The following CXCL16 variants were observed in gnomAD, a reference collection of about 807,000 sequenced individuals.
CXCL16 encodes C-X-C motif chemokine ligand 16.
In CXCL16, 18 loss-of-function variants were observed where a neutral mutation model predicts 23.8. The observed-to-expected ratio is 0.76, with a 90% CI of 0.52 to 1.12. The LOEUF is 1.12. Among genes scored for constraint, CXCL16 ranks in the 50% most tolerant of loss-of-function variants. The probability of loss-of-function intolerance (pLI) is 0.00; values close to 1 mark genes in which losing one functional copy is unlikely to be tolerated. For synonymous variants in CXCL16, 123 were observed against 132.5 expected (o/e 0.93, Z 0.49); for missense variants, 297 against 315.4 (o/e 0.94, Z 0.44).
rs1231078188 is a variant in CXCL16 at position 4,734,588 on chromosome 17, C to G, written c.*18G>C. The G allele has an allele frequency of 1.9e-6, 3 of 1,599,892 alleles. No homozygotes were observed. Among genetic ancestry groups the G allele is most frequent in the Non-Finnish European group, 8.6e-7 (1 of 1,167,126 alleles). On this transcript the variant is annotated 3_prime_UTR_variant, in exon 5 of 6. Transcript: ENST00000293778. ...AAGAATAAGCCACAGTTTACCCTCA[C>G]AAGCTTCCATTCTTGGCTCAGGTAT... is the stretch of plus-strand genomic sequence containing the variant.
intron 3 of CXCL16, among the ~76,000 whole-genome samples, chr17:4,735,828 C>G (rs1423053746): frequency 6.6e-6 from 1 of 152,052 alleles, no homozygotes; most frequent in African/African-American, 2.4e-5. Context: ...AATCCCAGCA[C>G]TTTGGGAGGC....
At chr17:4,736,794 T>C (rs193194592) in intron 3 of CXCL16, among the ~76,000 whole-genome samples, 1 of 152,320 alleles carries the variant, frequency 6.6e-6, no homozygotes, top group Non-Finnish European at 1.5e-5. Flanking sequence ...ATCAAACTTG[T>C]GACTTCACAG....
rs758959584 is a variant in CXCL16, at chr17:4,735,098, AGG to A, written c.710_711del (p.Ser237PhefsTer14). Reference sequence around the variant, plus strand: ...GTTCAAAGGTCCAGTTTACCTGGAGAGGACTGCGGTGACTGCCCCCTCCTCCT... The same window carrying A: ...GTTCAAAGGTCCAGTTTACCTGGAGAACTGCGGTGACTGCCCCCTCCTCCT... ...CKRRRGQSPQ[S>X]SPDLPVHYIP... is the part of the protein sequence containing the mutation. On this transcript the variant is annotated frameshift_variant, in exon 4 of 6. Transcript: ENST00000293778. LOFTEE classifies it high-confidence loss of function. 6.2e-7 allele frequency: 1 copy of A among 1,603,968 alleles called. No individual in the cohort carries two copies. Among genetic ancestry groups the A allele is most frequent in the Non-Finnish European group, 8.5e-7 (1 of 1,172,508 alleles).
rs1487235576 is a variant in CXCL16, at chr17:4,735,102, C to G, written c.708G>C (p.Gln236His). Residue 236 changes from glutamine to histidine, a missense_variant, in exon 4 of 6, where the codon CAG becomes CAC. By Grantham distance (24) the Gln-to-His change is conservative. Coordinates refer to ENST00000293778, the MANE Select transcript of CXCL16 (RefSeq NM_001386809.1). ...LCKRRRGQSP[Q>H]SSPDLPVHYI... The stretch of plus-strand genomic sequence containing the variant: ...AAAGGTCCAGTTTACCTGGAGAGGA[C>G]TGCGGTGACTGCCCCCTCCTCCTCT... 1.2e-6 allele frequency: 2 copies of G among 1,608,892 alleles called. No individual in the cohort carries two copies. The highest frequency in any genetic ancestry group is 1.3e-5 in the African/African-American group (1 of 74,980).
Position 4,735,516 on chromosome 17 carries a change from G to C in CXCL16, c.302-8C>G, listed in dbSNP as rs368788619. On this transcript the variant is annotated splice_region_variant and splice_polypyrimidine_tract_variant and intron_variant, in intron 3 of 5. Coordinates refer to ENST00000293778, the MANE Select transcript of CXCL16 (RefSeq NM_001386809.1). ...AGTAAGCATGTCCACATTCTGGAAA[G>C]GAAAGAAATGAGGAATCAGGACTAT... 1.0e-4 allele frequency: 150 copies of C among 1,497,968 alleles called. No individual in the cohort carries two copies. Among genetic ancestry groups the C allele is most frequent in the Non-Finnish European group, 1.2e-4 (140 of 1,121,810 alleles). 92.8% of individuals were successfully genotyped at this position (1,497,968 alleles called of 1,614,324 possible). A position where few individuals can be genotyped will look rare whatever the true frequency, so the allele number is the denominator to read the frequency against.
rs766669724 is a variant in CXCL16 at position 4,739,432 on chromosome 17, G to T, written c.-93C>A. On this transcript the variant is annotated 5_prime_UTR_variant, in exon 1 of 6. Transcript: ENST00000293778. The surrounding 1 kb of genome is among the most constrained non-coding windows in gnomAD (Gnocchi z 5.3). ...GTGACGTCCAGCTGGTGTCTCAATG[G>T]CTTTCGCCGGGGACCGGAGGAGACG... 4.4e-6 allele frequency: 7 copies of T among 1,587,668 alleles called. No homozygotes were observed. Among genetic ancestry groups the T allele is most frequent in the African/African-American group, 2.7e-5 (2 of 74,206 alleles).
chr17:4,735,864 G>A (rs1055795176), intron 3 of CXCL16, among the ~76,000 whole-genome samples: 4 of 151,900 alleles, frequency 2.6e-5, no homozygotes, highest in South Asian at 2.1e-4. Flanking sequence ...ACCTGAGGTC[G>A]GGAGTTCGAG....
Position 4,738,657 on chromosome 17 carries a change from A to C in CXCL16, c.218+125T>G. On this transcript the variant is annotated intron_variant, in intron 2 of 5. Transcript: ENST00000293778. This position sits in a 1 kb window ranked among gnomAD's most constrained non-coding sequence, Gnocchi z 4.0. Reference sequence around the variant, plus strand: ...CATGAAGTTTCGGGGAATGAGAGCAAACGGAACCCGGAGATGGGGCTCGGT... The same window carrying C: ...CATGAAGTTTCGGGGAATGAGAGCACACGGAACCCGGAGATGGGGCTCGGT... 1 of 1,147,466 alleles carries C rather than the reference A, an allele frequency of 8.7e-7. No homozygotes were observed. Among genetic ancestry groups the C allele is most frequent in the South Asian group, 1.5e-5 (1 of 67,564 alleles). The allele number at this position is 1,147,466 out of a possible 1,614,324, so 71.1% of individuals were successfully genotyped here.
chr17:4,735,031 T>C, intron 4 of CXCL16, 61 bp downstream of exon 4: 2 of 1,503,360 alleles, frequency 1.3e-6, no homozygotes, highest in East Asian at 4.6e-5. Flanking sequence ...AGCCACTGGG[T>C]CAGGATGCCT....
rs1916300944 is a variant in CXCL16 at position 4,739,869 on chromosome 17, A to G, written c.-530T>C. ...ATGAGCCTCCCGGGCGGCCCGGTGGAGAGAGTCGCCGCCAGCCCCGGCCGC... is the reference window on the plus strand; with the variant it reads ...ATGAGCCTCCCGGGCGGCCCGGTGGGGAGAGTCGCCGCCAGCCCCGGCCGC... On this transcript the variant is annotated 5_prime_UTR_variant, in exon 1 of 6. Coordinates refer to ENST00000293778, the MANE Select transcript of CXCL16 (RefSeq NM_001386809.1). This position sits in a 1 kb window ranked among gnomAD's most constrained non-coding sequence, Gnocchi z 5.3. 2.0e-6 allele frequency: 2 copies of G among 985,898 alleles called. No homozygotes were observed. Among genetic ancestry groups the G allele is most frequent in the South Asian group, 9.3e-5 (2 of 21,416 alleles). The allele number at this position is 985,898 out of a possible 1,614,324, so 61.1% of individuals were successfully genotyped here.
chr17:4,736,819 G>A (rs1260313429), intron 3 of CXCL16, among the ~76,000 whole-genome samples: 1 of 152,096 alleles, frequency 6.6e-6, no homozygotes, highest in Non-Finnish European at 1.5e-5. Context: ...TATTGCTTAG[G>A]ATAATTTACT....
rs1263458010 is a variant in CXCL16 at position 4,738,784 on chromosome 17, C to T, written c.216G>A (p.Thr72=). 1.4e-5 allele frequency: 23 copies of T among 1,613,686 alleles called. No homozygotes were observed. Among genetic ancestry groups the T allele is most frequent in the Admixed American group, 5.0e-5 (3 of 59,866 alleles). Residue 72 remains threonine (T), a splice_region_variant and synonymous_variant, in exon 2 of 6, where the codon ACG becomes ACA. Transcript: ENST00000293778. The surrounding 1 kb of genome is among the most constrained non-coding windows in gnomAD (Gnocchi z 4.0). ...LRAYHRCLYY[T]RFQLLSWSVC... ...CTCGCAGAGGCAGGTAAAATTACCT[C>T]GTGTAGTATAGACACCGATGGTAAG...
Position 4,735,046 on chromosome 17 carries a change from G to A in CXCL16, c.718+46C>T, listed in dbSNP as rs190925501. 54 of 1,547,404 alleles carry A rather than the reference G, an allele frequency of 3.5e-5. 2 individuals are homozygous for A. In the Middle Eastern group the frequency reaches 1.0e-3, roughly 29 times the overall value. On this transcript the variant is annotated intron_variant, in intron 4 of 5. Transcript: ENST00000293778. Reference sequence around the variant, plus strand: ...AGCCACTGGGTCAGGATGCCTGTCAGGAAGGCTCTGGGTCCCTGGGGGGAG... The same window carrying A: ...AGCCACTGGGTCAGGATGCCTGTCAAGAAGGCTCTGGGTCCCTGGGGGGAG...
chr17:4,737,015 C>T (rs746258367), intron 3 of CXCL16, among the ~76,000 whole-genome samples: 37 of 151,882 alleles, frequency 2.4e-4, no homozygotes, highest in Non-Finnish European at 2.6e-4. Context: ...TGGGGTTTTA[C>T]CATGTTGGTC....
intron 3 of CXCL16, among the ~76,000 whole-genome samples, chr17:4,737,658 TTAA>T (rs1916196531): frequency 6.7e-6 from 1 of 149,836 alleles, no homozygotes; most frequent in Admixed American, 6.9e-5. Flanking sequence ...AGATGGATAC[TTAA>T]TAAAGCAAAT....
Position 4,739,611 on chromosome 17 carries a change from G to T in CXCL16, c.-272C>A. 1.5e-6 allele frequency: 1 copy of T among 667,550 alleles called. No homozygotes were observed. Among genetic ancestry groups the T allele is most frequent in the South Asian group, 2.2e-5 (1 of 45,654 alleles). The allele number at this position is 667,550 out of a possible 1,614,324, so 41.4% of individuals were successfully genotyped here. A position where few individuals can be genotyped will look rare whatever the true frequency, so the allele number is the denominator to read the frequency against. On this transcript the variant is annotated 5_prime_UTR_variant, in exon 1 of 6. Coordinates refer to ENST00000293778, the MANE Select transcript of CXCL16 (RefSeq NM_001386809.1). This position sits in a 1 kb window ranked among gnomAD's most constrained non-coding sequence, Gnocchi z 5.3. ...CGCCCTGCGCCCCCGCACTGGGCCCGGCTCCGTCGAGGGAAGGCCAGGAAT... is the reference window on the plus strand; with the variant it reads ...CGCCCTGCGCCCCCGCACTGGGCCCTGCTCCGTCGAGGGAAGGCCAGGAAT...
rs920991452 is a variant in CXCL16 at position 4,738,635 on chromosome 17, G to T, written c.219-145C>A. 2.9e-6 allele frequency: 3 copies of T among 1,022,030 alleles called. No individual in the cohort carries two copies. Among genetic ancestry groups the T allele is most frequent in the African/African-American group, 1.6e-5 (1 of 62,590 alleles). 63.3% of individuals were successfully genotyped at this position (1,022,030 alleles called of 1,614,324 possible). ...TCCCCAGTAGGTGAGACGGAGTCAT[G>T]AAGTTTCGGGGAATGAGAGCAAACG... On this transcript the variant is annotated intron_variant, in intron 2 of 5. Transcript: ENST00000293778. This position sits in a 1 kb window ranked among gnomAD's most constrained non-coding sequence, Gnocchi z 4.0.
At position 4,739,443 on chromosome 17, in the gene CXCL16, G is replaced by A. The variant is rs753572649; in HGVS notation, c.-104C>T. ...CTGGTGTCTCAATGGCTTTCGCCGG[G>A]GACCGGAGGAGACGGCGGCCGGAGA... On this transcript the variant is annotated 5_prime_UTR_variant, in exon 1 of 6. Coordinates refer to ENST00000293778, the MANE Select transcript of CXCL16 (RefSeq NM_001386809.1). The surrounding 1 kb of genome is among the most constrained non-coding windows in gnomAD (Gnocchi z 5.3). The A allele has an allele frequency of 3.8e-6, 6 of 1,560,896 alleles. No homozygotes were observed. The highest frequency in any genetic ancestry group is 5.2e-6 in the Non-Finnish European group (6 of 1,143,866).
In CXCL16 at chr17:4,735,271, G is replaced by A. The variant is rs368698348; in HGVS notation, c.539C>T (p.Ala180Val). 3.1e-6 allele frequency: 5 copies of A among 1,614,176 alleles called. No homozygotes were observed. The African/African-American group carries it at 6.7e-5, about 22-fold the overall frequency. ...GTTCTCCCCAGCCTCAGGCCCAGCT[G>A]CCAGACTGTGGCCCGCAGTGTGAAT... ...TTIHTAGHSLAAGPEAGENQK... is the reference protein window; with the variant it reads ...TTIHTAGHSLVAGPEAGENQK... The change falls in exon 4 of 6, where the codon GCA becomes GTA. Residue 180 changes from alanine to valine, a missense_variant. By Grantham distance (64) the Ala-to-Val change is moderately conservative. Coordinates refer to ENST00000293778, the MANE Select transcript of CXCL16 (RefSeq NM_001386809.1).
Sources: gnomAD v4.1 joint callset for allele counts (sites outside exome capture counted in the v4.1 genomes callset) on GRCh38, gnomAD v4.1.1 for gene constraint, Gnocchi (gnomAD v3.1) non-coding constraint, MANE v1.5 for transcripts, NCBI Gene and HGNC (gene_info 2026-07-23, HGNC 2026-07-21) for gene names.